ABCC9: variants seen among roughly 807,000 people sequenced by gnomAD.
ABCC9 encodes ATP-binding cassette sub-family C member 9.
A neutral mutation model predicts 188.3 loss-of-function variants in ABCC9; 95 were observed. The ratio of observed to expected loss-of-function variants is 0.50; its 90% CI spans 0.43 to 0.60. ABCC9 has a LOEUF of 0.60. Among genes scored for constraint, ABCC9 ranks in the 20% least tolerant of loss-of-function variants. The pLI, the probability that ABCC9 is intolerant of heterozygous loss-of-function variation, is 0.00. For missense variants in ABCC9, 1,102 were observed against 1,876.3 expected (o/e 0.59, Z 7.62); for synonymous variants, 659 against 652.7 (o/e 1.01, Z -0.15).
intron 4 of ABCC9, among the ~76,000 whole-genome samples, chr12:21,931,917 C>T (rs1241616025): frequency 6.6e-6 from 1 of 152,046 alleles, no homozygotes; most frequent in Non-Finnish European, 1.5e-5. Context: ...CATGCACATA[C>T]CTGCGAAAAG....
In ABCC9 at chr12:21,878,499, AG is replaced by A. The variant is rs543381006; in HGVS notation, c.2020-2774del. ...TGTGTAAATGGAGTGACAGTAGATT[AG>A]GGGATTTTCAGGCTGGGATACTGGA... On this transcript the variant is annotated intron_variant, in intron 16 of 39. Transcript: ENST00000261200. Among the ~76,000 whole-genome samples, 117 of 152,300 alleles carry A rather than the reference AG, an allele frequency of 7.7e-4. No homozygotes were observed. The South Asian group carries it at 0.021, about 28-fold the overall frequency.
At chr12:21,871,219 GA>G (rs1049186196) in intron 18 of ABCC9, among the ~76,000 whole-genome samples, 1 of 152,148 alleles carries the variant, frequency 6.6e-6, no homozygotes, top group Non-Finnish European at 1.5e-5. Flanking sequence ...GTGGCTAGGG[GA>G]ACATCATCTA....
chr12:21,822,790 C>CAAAAAA (rs538002229), intron 31 of ABCC9, among the ~76,000 whole-genome samples: 3 of 84,314 alleles, frequency 3.6e-5, no homozygotes, highest in African/African-American at 9.2e-5. Context: ...GACTCCGTCT[C>CAAAAAA]AAAAAAAAAA....
chr12:21,860,971 C>T lies in ABCC9; in HGVS notation c.2424G>A (p.Arg808=), dbSNP rs1380897239. Residue 808 remains arginine (R), a splice_region_variant and synonymous_variant, in exon 21 of 40, where the codon AGG becomes AGA. Coordinates refer to ENST00000261200, the MANE Select transcript of ABCC9 (RefSeq NM_020297.4). The part of the protein sequence containing the change: ...PFGDQTEIGE[R]GINLSGGQRQ... ...CTTAATGAAACTATATATAGCTCAC[C>T]CTCTCTCCAATTTCAGTTTGATCTC... 1.2e-6 allele frequency: 2 copies of T among 1,610,158 alleles called. No homozygotes were observed. Among genetic ancestry groups the T allele is most frequent in the Non-Finnish European group, 1.7e-6 (2 of 1,176,856 alleles).
At chr12:21,880,716 G>C (rs1261622106) in intron 16 of ABCC9, among the ~76,000 whole-genome samples, 1 of 152,016 alleles carries the variant, frequency 6.6e-6, no homozygotes, top group Non-Finnish European at 1.5e-5. Context: ...AAAATGAGAA[G>C]CATTTTTTTG....
At position 21,800,891 on chromosome 12, in the gene ABCC9, A is replaced by C; in HGVS notation, c.*153T>G. 1 of 851,000 alleles carries C rather than the reference A, an allele frequency of 1.2e-6. No individual in the cohort carries two copies. Among genetic ancestry groups the C allele is most frequent in the Non-Finnish European group, 1.8e-6 (1 of 550,492 alleles). 52.7% of individuals were successfully genotyped at this position (851,000 alleles called of 1,614,324 possible). ...ATATTAAGCAATAATATCTTGAAAA[A>C]CTGTTTTAAAAACAGGAAAAATAAA... On this transcript the variant is annotated 3_prime_UTR_variant, in exon 40 of 40. Transcript: ENST00000261200.
Position 21,891,517 on chromosome 12 carries a change from G to A in ABCC9, c.1802+2515C>T, listed in dbSNP as rs181217139. ...CCTGCCTCATTCTTCCATTTTATGA[G>A]GTATATACAGGTCTCAGCCATTGAA... is the stretch of plus-strand genomic sequence containing the variant. On this transcript the variant is annotated intron_variant, in intron 14 of 39. Transcript: ENST00000261200. 2.0e-5 allele frequency among the ~76,000 whole-genome samples: 3 copies of A among 152,168 alleles called. No individual in the cohort carries two copies. The East Asian group carries it at 5.8e-4, about 29-fold the overall frequency.
chr12:21,832,887 C>T (rs1443108907), intron 30 of ABCC9, among the ~76,000 whole-genome samples: 2 of 152,122 alleles, frequency 1.3e-5, no homozygotes, highest in East Asian at 3.8e-4. Flanking sequence ...GCCCATTAAC[C>T]AGTGAGTGGG....
intron 29 of ABCC9, among the ~76,000 whole-genome samples, chr12:21,839,046 G>C (rs1286690931): frequency 6.6e-6 from 1 of 152,074 alleles, no homozygotes; most frequent in African/African-American, 2.4e-5. Context: ...CAGAAAGAAG[G>C]TAATCAGAGC....
intron 15 of ABCC9, among the ~76,000 whole-genome samples, chr12:21,885,080 G>A (rs767202389): frequency 2.0e-5 from 3 of 152,124 alleles, no homozygotes; most frequent in African/African-American, 4.8e-5. Flanking sequence ...GATTTGAGTC[G>A]AAGTTCCACA....
Position 21,844,531 on chromosome 12 carries a change from C to T in ABCC9, c.3267G>A (p.Leu1089=), listed in dbSNP as rs780998911. The T allele has an allele frequency of 2.9e-5, 47 of 1,613,500 alleles. No homozygotes were observed. The East Asian group carries it at 1.0e-3, about 35-fold the overall frequency. Residue 1089 remains leucine (L), a synonymous_variant, in exon 28 of 40, where the codon CTG becomes CTA. Transcript: ENST00000261200. ...GPIRFFDTTP[L]GLILNRFSAD... Reference sequence around the variant, plus strand: ...CTGAAAAGCGATTGAGAATCAGTCCCAGGGGTGTGGTATCAAAAAACCTAG... The same window carrying T: ...CTGAAAAGCGATTGAGAATCAGTCCTAGGGGTGTGGTATCAAAAAACCTAG...
At chr12:21,927,957 C>G (rs544285285) in intron 4 of ABCC9, among the ~76,000 whole-genome samples, 1 of 152,074 alleles carries the variant, frequency 6.6e-6, no homozygotes, top group Non-Finnish European at 1.5e-5. Context: ...TGGTGGCTTA[C>G]GCTTGCAATC....
chr12:21,802,826 G>A (rs1003321153), intron 39 of ABCC9, among the ~76,000 whole-genome samples: 1 of 152,104 alleles, frequency 6.6e-6, no homozygotes. Context: ...CCAGAGTTGA[G>A]GGCCTACATT....
chr12:21,799,581 A>G lies in ABCC9; in HGVS notation c.*1463T>C, dbSNP rs1282033824. 1 of 152,200 alleles carries G rather than the reference A, an allele frequency of 6.6e-6. No individual in the cohort carries two copies. The highest frequency in any genetic ancestry group is 1.9e-4 in the East Asian group (1 of 5,200). The allele number at this position is 152,200 out of a possible 1,614,324, so 9.4% of individuals were successfully genotyped here. A position where few individuals can be genotyped will look rare whatever the true frequency, so the allele number is the denominator to read the frequency against. On this transcript the variant is annotated 3_prime_UTR_variant, in exon 40 of 40. Coordinates refer to ENST00000261200, the MANE Select transcript of ABCC9 (RefSeq NM_020297.4). ...TCTTGTGGAACTTATTTTTTTGTAA[A>G]TATAAAGATTAAATATTCAGGTGAA...
chr12:21,872,618 T>C lies in ABCC9; in HGVS notation c.2198+7A>G, dbSNP rs376649913. 32 of 1,606,000 alleles carry C rather than the reference T, an allele frequency of 2.0e-5. No individual in the cohort carries two copies. The South Asian group carries it at 2.6e-4, about 13-fold the overall frequency. On this transcript the variant is annotated splice_region_variant and intron_variant, in intron 18 of 39. Transcript: ENST00000261200. ...TAGCAATGGAAGCCAACTAAAAATA[T>C]ACATACTTGCTCCAGTGAACTTTTC...
At chr12:21,872,488 A>T (rs1360420159) in intron 18 of ABCC9, 137 bp downstream of exon 18, 19 of 634,054 alleles carry the variant, frequency 3.0e-5, no homozygotes, top group Admixed American at 5.6e-5. Context: ...GTTTCCATCA[A>T]TTTTTTTTTT....
chr12:21,922,307 T>TATAATATTTATTGATTTGCAA (rs1948853972), intron 5 of ABCC9, among the ~76,000 whole-genome samples: 4 of 151,930 alleles, frequency 2.6e-5, no homozygotes, highest in Admixed American at 2.6e-4. Context: ...CTAGGTATTT[T>TATAATATTTATTGATTTGCAA]ATAATATTTA....
At chr12:21,843,240 A>AT (rs1944481097) in intron 28 of ABCC9, among the ~76,000 whole-genome samples, 1 of 152,054 alleles carries the variant, frequency 6.6e-6, no homozygotes, top group Non-Finnish European at 1.5e-5. Flanking sequence ...TTTGCTTTGT[A>AT]TTTTTTGGGT....
chr12:21,845,381 A>G lies in ABCC9; in HGVS notation c.3096+222T>C, dbSNP rs1408862789. On this transcript the variant is annotated intron_variant, in intron 26 of 39. Transcript: ENST00000261200. Reference sequence around the variant, plus strand: ...GAATACAAGTCTAAACATTATATTTAAATATTTCTTATGATAAACTTTAAA... The same window carrying G: ...GAATACAAGTCTAAACATTATATTTGAATATTTCTTATGATAAACTTTAAA... 2.0e-5 allele frequency among the ~76,000 whole-genome samples: 3 copies of G among 152,168 alleles called. No homozygotes were observed. The East Asian group carries it at 5.8e-4, about 29-fold the overall frequency.
Sources: allele counts gnomAD v4.1 joint callset (sites outside exome capture counted in the v4.1 genomes callset), GRCh38; gene constraint gnomAD v4.1.1; transcripts MANE v1.5; gene names NCBI Gene and HGNC (gene_info 2026-07-23, HGNC 2026-07-21).